Variants in DBNDD1 observed in about 807,000 individuals in gnomAD.
The protein encoded by DBNDD1 is dysbindin domain containing 1, also known as dysbindin domain-containing protein 1.
Under a neutral mutation model 17.0 loss-of-function variants are expected in DBNDD1, and 14 were observed. The ratio of observed to expected loss-of-function variants is 0.82; its 90% CI spans 0.54 to 1.29. The LOEUF (loss-of-function observed/expected upper bound fraction) is 1.29, where lower values mean the gene tolerates loss of function less well. Among genes scored for constraint, DBNDD1 ranks in the 50% most tolerant of loss-of-function variants. The pLI, the probability that DBNDD1 is intolerant of heterozygous loss-of-function variation, is 0.00. For synonymous variants in DBNDD1, 105 were observed against 102.0 expected, an observed-to-expected ratio of 1.03 and a Z score of -0.18; for missense variants, 221 against 216.2, an observed-to-expected ratio of 1.02 and a Z score of -0.14.
chr16:90,013,424 C>T (rs2035590203), intron 1 of DBNDD1, among the ~76,000 whole-genome samples: 1 of 152,120 alleles, frequency 6.6e-6, no homozygotes, highest in South Asian at 2.1e-4. Context: ...AGGCACAGAG[C>T]AGCTCAGCGT....
In DBNDD1 at chr16:90,008,925, C is replaced by G; in HGVS notation, c.179-1G>C. ...AGAGAGGAGACGCTGCTCAGAGGCT[C>G]TGAGGGCAGAGGGGGTACAGTCAGC... On this transcript the variant is annotated splice_acceptor_variant, in intron 2 of 3. Coordinates refer to ENST00000002501, the MANE Select transcript of DBNDD1 (RefSeq NM_001042610.3). LOFTEE classifies it high-confidence loss of function. 2 of 1,555,870 alleles carry G rather than the reference C, an allele frequency of 1.3e-6. No individual in the cohort carries two copies. The highest frequency in any genetic ancestry group is 1.7e-6 in the Non-Finnish European group (2 of 1,144,914).
intron 1 of DBNDD1, among the ~76,000 whole-genome samples, chr16:90,015,593 A>C (rs1333900888): frequency 6.6e-6 from 1 of 152,196 alleles, no homozygotes; most frequent in Non-Finnish European, 1.5e-5. Context: ...AGTAGCCAAA[A>C]GTGGAAATAA....
intron 1 of DBNDD1, chr16:90,011,479 C>T: frequency 2.9e-6 from 1 of 348,386 alleles, no homozygotes. Flanking sequence ...GGGCAGGTGG[C>T]CTGGCAGCGA....
chr16:90,014,262 G>A (rs1409133551), intron 1 of DBNDD1, among the ~76,000 whole-genome samples: 1 of 152,064 alleles, frequency 6.6e-6, no homozygotes, highest in African/African-American at 2.4e-5. Context: ...AAGTAGCTGG[G>A]ATTACAGGCG....
chr16:90,011,667 G>A (rs1440886306), intron 1 of DBNDD1: 14 of 455,104 alleles, frequency 3.1e-5, no homozygotes, highest in African/African-American at 1.0e-4. Flanking sequence ...GGGCTCTCGC[G>A]GAATCTGGTT....
At chr16:90,010,308 A>G (rs1048957079) in intron 1 of DBNDD1, 6 of 280,630 alleles carry the variant, frequency 2.1e-5, no homozygotes, top group Non-Finnish European at 4.0e-5. Context: ...CCAAAGTGCT[A>G]GGATTACAAG....
chr16:90,008,925 CTG>C lies in DBNDD1; in HGVS notation c.179-3_179-2del. On this transcript the variant is annotated splice_acceptor_variant and splice_polypyrimidine_tract_variant and intron_variant, in intron 2 of 3. Coordinates refer to ENST00000002501, the MANE Select transcript of DBNDD1 (RefSeq NM_001042610.3). LOFTEE classifies it high-confidence loss of function. ...AGAGAGGAGACGCTGCTCAGAGGCT[CTG>C]AGGGCAGAGGGGGTACAGTCAGCCC... 1 of 1,555,870 alleles carries C rather than the reference CTG, an allele frequency of 6.4e-7. No homozygotes were observed. Among genetic ancestry groups the C allele is most frequent in the Non-Finnish European group, 8.7e-7 (1 of 1,144,914 alleles).
At chr16:90,014,827 G>A (rs34891292) in intron 1 of DBNDD1, among the ~76,000 whole-genome samples, 2,573 of 152,106 alleles carry the variant, frequency 0.017, 44 homozygotes, top group Non-Finnish European at 0.022. Context: ...CCAACATGGC[G>A]AAACCCCGTC....
At position 90,006,406 on chromosome 16, in the gene DBNDD1, G is replaced by T; in HGVS notation, c.406C>A (p.Leu136Ile). The T allele has an allele frequency of 6.2e-7, 1 of 1,606,108 alleles. No homozygotes were observed. The change falls in exon 4 of 4, where the codon CTA (leucine) becomes ATA (isoleucine). Residue 136 changes from leucine to isoleucine, a missense_variant. By Grantham distance (5) the Leu-to-Ile change is conservative (BLOSUM62 2). Coordinates refer to ENST00000002501, the MANE Select transcript of DBNDD1 (RefSeq NM_001042610.3). ...RAEQSHEKQPLGDPERQATVL... is the reference protein window; with the variant it reads ...RAEQSHEKQPIGDPERQATVL... ...GTGGCCTGCCGCTCGGGGTCGCCTA[G>T]GGGCTGCTTCTCGTGGCTCTGCTCA...
intron 3 of DBNDD1, among the ~76,000 whole-genome samples, chr16:90,008,191 GGATGTCCCAAGGGGCCTCACCCCCCAAA>G (rs1357068241): frequency 2.4e-4 from 5 of 20,808 alleles, no homozygotes; most frequent in African/African-American, 5.7e-4. Context: ...ACACCTCCCA[GGATGTCCCAAGGGGCCTCACCCCCCAAA>G]CACACCTCCC....
At chr16:90,014,229 G>C (rs11859460) in intron 1 of DBNDD1, among the ~76,000 whole-genome samples, 106,387 of 151,804 alleles carry the variant, frequency 0.7, 39,436 homozygotes, top group South Asian at 0.92. Flanking sequence ...TGGGTTCAAG[G>C]GATCCTCTTG....
rs1311383154 is a variant in DBNDD1 at position 90,019,237 on chromosome 16, C to T, written c.31+74G>A. Reference sequence around the variant, plus strand: ...ACTCCCGGGAGCGGCGAAGGGTGAGCCCTGGGGGGAGGGGCTGCGGCTCGC... The same window carrying T: ...ACTCCCGGGAGCGGCGAAGGGTGAGTCCTGGGGGGAGGGGCTGCGGCTCGC... On this transcript the variant is annotated intron_variant, in intron 1 of 3. Coordinates refer to ENST00000002501, the MANE Select transcript of DBNDD1 (RefSeq NM_001042610.3). The surrounding 1 kb of genome is among the most constrained non-coding windows in gnomAD (Gnocchi z 6.1). The T allele has an allele frequency of 3.9e-6, 3 of 775,302 alleles. No individual in the cohort carries two copies. Among genetic ancestry groups the T allele is most frequent in the Middle Eastern group, 4.4e-4 (1 of 2,280 alleles). 48.0% of individuals were successfully genotyped at this position (775,302 alleles called of 1,614,324 possible). A position where few individuals can be genotyped will look rare whatever the true frequency, so the allele number is the denominator to read the frequency against.
rs191011980 is a variant in DBNDD1 at position 90,015,196 on chromosome 16, G to T, written c.31+4115C>A. 3.1e-4 allele frequency among the ~76,000 whole-genome samples: 47 copies of T among 152,210 alleles called. No individual in the cohort carries two copies. In the East Asian group the frequency reaches 8.7e-3, roughly 28 times the overall value. On this transcript the variant is annotated intron_variant, in intron 1 of 3. Coordinates refer to ENST00000002501, the MANE Select transcript of DBNDD1 (RefSeq NM_001042610.3). ...TGTAAAGTCTGGTGCCGTGGTCTGT[G>T]TTGGGGCTTTGGGGAAGGAAAATTT...
At chr16:90,009,127 T>C in intron 2 of DBNDD1, 157 bp downstream of exon 2, 1 of 1,268,016 alleles carries the variant, frequency 7.9e-7, no homozygotes, top group Non-Finnish European at 1.1e-6. Context: ...ATGGTGCAGC[T>C]GAGGCTCAGA....
chr16:90,019,618 C>G (rs2035739500), upstream of DBNDD1: 2 of 386,532 alleles, frequency 5.2e-6, no homozygotes, highest in Admixed American at 4.6e-5. This position sits in a 1 kb window ranked among gnomAD's most constrained non-coding sequence, Gnocchi z 6.1. Context: ...CCAGCGGACC[C>G]CTCCCCCGCC....
chr16:90,006,324 G>A lies in DBNDD1; in HGVS notation c.*11C>T, dbSNP rs759771419. The stretch of plus-strand genomic sequence containing the variant: ...CCCATCCCTGCAGGAGCTGGGGCAG[G>A]TGGAGATGGTCTAGTCCTCCTGGGG... On this transcript the variant is annotated 3_prime_UTR_variant, in exon 4 of 4. Coordinates refer to ENST00000002501, the MANE Select transcript of DBNDD1 (RefSeq NM_001042610.3). 8.1e-6 allele frequency: 13 copies of A among 1,598,828 alleles called. No homozygotes were observed. In the East Asian group the frequency reaches 1.8e-4, roughly 22 times the overall value.
intron 1 of DBNDD1, chr16:90,011,538 C>T (rs2035554711): frequency 1.2e-5 from 5 of 401,132 alleles, no homozygotes; most frequent in Admixed American, 5.2e-5. Context: ...CTGACAGTGT[C>T]CCCTCGCCCC....
chr16:90,017,224 G>A (rs1175108576), intron 1 of DBNDD1, among the ~76,000 whole-genome samples: 1 of 152,272 alleles, frequency 6.6e-6, no homozygotes, highest in African/African-American at 2.4e-5. Flanking sequence ...TGCCGGGCAT[G>A]GTGGCTGACG....
intron 1 of DBNDD1, chr16:90,010,096 A>C: frequency 6.3e-7 from 1 of 1,584,386 alleles, no homozygotes; most frequent in Middle Eastern, 1.7e-4. Flanking sequence ...CCCAGGCTGG[A>C]GTGCAGTGGT....
Sources: gnomAD v4.1 joint callset for allele counts (sites outside exome capture counted in the v4.1 genomes callset) on GRCh38, gnomAD v4.1.1 for gene constraint, Gnocchi (gnomAD v3.1) non-coding constraint, MANE v1.5 for transcripts, NCBI Gene and HGNC (gene_info 2026-07-23, HGNC 2026-07-21) for gene names.